EXD2: variants seen among roughly 807,000 people sequenced by gnomAD.
EXD2 encodes exonuclease 3'-5' domain-containing protein 2.
In EXD2, 40 loss-of-function variants were observed where a neutral mutation model predicts 62.5. The observed-to-expected ratio is 0.64, with a 90% CI of 0.50 to 0.83. The LOEUF is 0.83. Ranked by LOEUF, EXD2 falls within the 40% of genes least tolerant of loss-of-function variation. The pLI is 0.00. For synonymous variants in EXD2, 239 were observed against 291.9 expected (o/e 0.82, Z 1.85); for missense variants, 671 against 761.8 (o/e 0.88, Z 1.40).
At chr14:69,220,284 T>G (rs1279524302) in intron 3 of EXD2, among the ~76,000 whole-genome samples, 2 of 87,754 alleles carry the variant, frequency 2.3e-5, no homozygotes, top group African/African-American at 4.1e-5. Flanking sequence ...TTTTTTTTTT[T>G]TTTTGAGACA....
intron 9 of EXD2, among the ~76,000 whole-genome samples, chr14:69,240,022 G>A (rs1019296854): frequency 6.6e-6 from 1 of 152,202 alleles, no homozygotes. Context: ...ACAGTTGTTT[G>A]GAGACAGGCA....
chr14:69,222,511 C>G (rs754116585), intron 3 of EXD2, among the ~76,000 whole-genome samples: 2 of 152,212 alleles, frequency 1.3e-5, no homozygotes, highest in Admixed American at 6.5e-5. Context: ...AAGCATCACA[C>G]TCACATTCTT....
chr14:69,212,699 A>ATTTTTTCT (rs2042850259), intron 3 of EXD2, among the ~76,000 whole-genome samples: 1 of 57,316 alleles, frequency 1.7e-5, no homozygotes, highest in Non-Finnish European at 3.0e-5. Context: ...ATGGTTCTTG[A>ATTTTTTCT]TTTTTTTTTT....
chr14:69,206,093 G>C (rs1486364908), intron 2 of EXD2, among the ~76,000 whole-genome samples: 5 of 151,704 alleles, frequency 3.3e-5, no homozygotes, highest in Admixed American at 3.3e-4. Flanking sequence ...TAATTTTTGT[G>C]TTTTTAGTAG....
chr14:69,226,621 G>A (rs997989861), intron 3 of EXD2, among the ~76,000 whole-genome samples: 1 of 152,060 alleles, frequency 6.6e-6, no homozygotes, highest in African/African-American at 2.4e-5. Flanking sequence ...GGTGGCAGGC[G>A]CCTATAATCC....
chr14:69,235,906 T>C, intron 6 of EXD2, 140 bp from the exon 7 acceptor site: 2 of 746,368 alleles, frequency 2.7e-6, no homozygotes, highest in South Asian at 2.8e-5. Context: ...GGTTTCTCAC[T>C]CTGTTTTTTC....
Position 69,242,280 on chromosome 14 carries a change from C to T in EXD2, c.*1180C>T, listed in dbSNP as rs1287977920. The T allele has an allele frequency of 2.7e-6, 1 of 365,324 alleles. No homozygotes were observed. Among genetic ancestry groups the T allele is most frequent in the East Asian group, 4.1e-5 (1 of 24,422 alleles). 22.6% of individuals were successfully genotyped at this position (365,324 alleles called of 1,614,324 possible). ...AAAGAATTTTATGACCAGAATCCAACAAGAGCTCTATTTTGGAATTGTGCC... is the reference window on the plus strand; with the variant it reads ...AAAGAATTTTATGACCAGAATCCAATAAGAGCTCTATTTTGGAATTGTGCC... On this transcript the variant is annotated 3_prime_UTR_variant, in exon 10 of 10. Transcript: ENST00000685843.
At chr14:69,213,466 G>A (rs1220085043) in intron 3 of EXD2, among the ~76,000 whole-genome samples, 1 of 145,934 alleles carries the variant, frequency 6.9e-6, no homozygotes, top group Non-Finnish European at 1.5e-5. Flanking sequence ...AAACTCCTGG[G>A]CTCAAGTGAT....
At chr14:69,222,667 C>T (rs2043225548) in intron 3 of EXD2, among the ~76,000 whole-genome samples, 5 of 151,862 alleles carry the variant, frequency 3.3e-5, no homozygotes, top group South Asian at 2.1e-4. Flanking sequence ...GAGTCAAGCA[C>T]GTTCTGTAAA....
intron 1 of EXD2, among the ~76,000 whole-genome samples, chr14:69,195,090 G>A (rs1006652835): frequency 2.6e-5 from 4 of 152,018 alleles, no homozygotes; most frequent in African/African-American, 2.4e-5. Flanking sequence ...GATGGTGTGC[G>A]CCTGTAATCC....
In EXD2 at chr14:69,237,948, T is replaced by C. The variant is rs755072032; in HGVS notation, c.1649+17T>C. 1.4e-5 allele frequency: 21 copies of C among 1,530,474 alleles called. No individual in the cohort carries two copies. The highest frequency in any genetic ancestry group is 1.8e-5 in the Non-Finnish European group (20 of 1,140,446). The allele number at this position is 1,530,474 out of a possible 1,614,324, so 94.8% of individuals were successfully genotyped here. A position where few individuals can be genotyped will look rare whatever the true frequency, so the allele number is the denominator to read the frequency against. On this transcript the variant is annotated intron_variant, in intron 9 of 9. Transcript: ENST00000685843. ...GGAGACCAGGTACAAAGCACAGGAA[T>C]TGTGGAATGTACCAGGGACATTAAC...
intron 2 of EXD2, among the ~76,000 whole-genome samples, chr14:69,205,972 G>A (rs2042577945): frequency 6.6e-6 from 1 of 152,030 alleles, no homozygotes; most frequent in Admixed American, 6.6e-5. Context: ...AGGTTGGAGT[G>A]CAGTGGCGTG....
At position 69,234,703 on chromosome 14, in the gene EXD2, A is replaced by G; in HGVS notation, c.721A>G (p.Ile241Val). The part of the protein sequence containing the change: ...DAETLTEDQV[I>V]YAARDAQISV... ...GATCTCTGACTTTTCTCTTCAGGTA[A>G]TTTATGCTGCCAGGGATGCCCAGAT... The change falls in exon 6 of 10, where the codon ATT becomes GTT. Residue 241 changes from isoleucine (I) to valine (V), a missense_variant. By Grantham distance (29) the Ile-to-Val change is conservative (BLOSUM62 3). Transcript: ENST00000685843. The G allele has an allele frequency of 6.2e-7, 1 of 1,605,954 alleles. No homozygotes were observed. The highest frequency in any genetic ancestry group is 1.1e-5 in the South Asian group (1 of 89,830).
chr14:69,236,546 A>C lies in EXD2; in HGVS notation c.1292+4A>C. ...GCAAGAGAGACTCCTACATTCGGTG[A>C]GTGCAGCATTGGGCCACCCTGGTTG... On this transcript the variant is annotated splice_donor_region_variant and intron_variant, in intron 8 of 9. Coordinates refer to ENST00000685843, the MANE Select transcript of EXD2 (RefSeq NM_001193360.2). 6.2e-7 allele frequency: 1 copy of C among 1,614,120 alleles called. No homozygotes were observed. Among genetic ancestry groups the C allele is most frequent in the Non-Finnish European group, 8.5e-7 (1 of 1,180,004 alleles).
intron 1 of EXD2, among the ~76,000 whole-genome samples, chr14:69,196,480 T>TAAAAC (rs2042208322): frequency 6.6e-6 from 1 of 152,198 alleles, no homozygotes; most frequent in South Asian, 2.1e-4. Flanking sequence ...CGGACATGTG[T>TAAAAC]TTTCATTTCC....
At chr14:69,217,771 T>G (rs994723250) in intron 3 of EXD2, among the ~76,000 whole-genome samples, 1 of 152,132 alleles carries the variant, frequency 6.6e-6, no homozygotes, top group Non-Finnish European at 1.5e-5. Flanking sequence ...TTCCCACCTA[T>G]GAGTGAGAAC....
intron 1 of EXD2, among the ~76,000 whole-genome samples, chr14:69,195,457 A>T (rs955177482): frequency 7.9e-5 from 12 of 152,186 alleles, no homozygotes; most frequent in African/African-American, 2.7e-4. Flanking sequence ...TTGGCCTTCC[A>T]AAATGCTGGG....
rs151334986 is a variant in EXD2, at chr14:69,230,486, G to C, written c.605G>C (p.Cys202Ser). 1,903 of 1,611,424 alleles carry C rather than the reference G, an allele frequency of 1.2e-3. 12 individuals are homozygous for C. In the Middle Eastern group the frequency reaches 0.019, roughly 16 times the overall value. ...GTTTCTTTTAGAAACAATTTGCTCT[G>C]TAATGGGCTTAGCCTGAAGTCCCTC... ...LAMRQRNNLL[C>S]NGLSLKSLAE... is the part of the protein sequence containing the mutation. The change falls in exon 5 of 10, where the codon TGT becomes TCT. Residue 202 changes from cysteine to serine, a missense_variant. Physicochemically the swap from Cys to Ser is moderately radical, Grantham distance 112. Transcript: ENST00000685843.
intron 1 of EXD2, among the ~76,000 whole-genome samples, chr14:69,198,761 A>G (rs2042291607): frequency 6.6e-6 from 1 of 152,242 alleles, no homozygotes; most frequent in African/African-American, 2.4e-5. Context: ...GATAGAGCAC[A>G]CTTACACGAA....
Sources: gnomAD v4.1 joint callset for allele counts (sites outside exome capture counted in the v4.1 genomes callset) on GRCh38, gnomAD v4.1.1 for gene constraint, MANE v1.5 for transcripts, NCBI Gene and HGNC (gene_info 2026-07-23, HGNC 2026-07-21) for gene names.